Variants in PTPRF observed in about 807,000 individuals in gnomAD.
The protein encoded by PTPRF is protein tyrosine phosphatase receptor type F, also known as receptor-type tyrosine-protein phosphatase F.
In PTPRF, 59 loss-of-function variants were observed where a neutral mutation model predicts 201.8. The observed-to-expected ratio is 0.29, with a 90% CI of 0.24 to 0.36. The LOEUF (loss-of-function observed/expected upper bound fraction) is 0.36, where lower values mean the gene tolerates loss of function less well. Ranked by LOEUF, PTPRF falls within the 10% of genes least tolerant of loss-of-function variation. The pLI is 1.00. For missense variants in PTPRF, 2,132 were observed against 2,690.5 expected, an observed-to-expected ratio of 0.79 and a Z score of 4.59; for synonymous variants, 1,088 against 1,089.7, an observed-to-expected ratio of 1.00 and a Z score of 0.03.
intron 5 of PTPRF, among the ~76,000 whole-genome samples, chr1:43,565,064 A>G (rs1646065370): frequency 6.6e-6 from 1 of 151,332 alleles, no homozygotes; most frequent in Non-Finnish European, 1.5e-5. Flanking sequence ...ACCTTCCCCC[A>G]CAACAGCCTT....
At chr1:43,619,595 T>G (rs755700742) in intron 28 of PTPRF, 22 bp downstream of exon 28, 5 of 1,610,768 alleles carry the variant, frequency 3.1e-6, no homozygotes, top group Non-Finnish European at 4.2e-6. Context: ...GTGGGCCTGC[T>G]TGGCTCCAGG....
chr1:43,570,829 G>T (rs1003590102), intron 6 of PTPRF, among the ~76,000 whole-genome samples: 1 of 152,246 alleles, frequency 6.6e-6, no homozygotes, highest in African/African-American at 2.4e-5. Context: ...CAACAAGATG[G>T]AGGCAGCTGT....
intron 5 of PTPRF, among the ~76,000 whole-genome samples, chr1:43,558,441 G>C (rs984753637): frequency 8.5e-5 from 13 of 152,230 alleles, no homozygotes; most frequent in African/African-American, 3.1e-4. Context: ...CATCTGAGCA[G>C]GATTGTTATT....
intron 23 of PTPRF, among the ~76,000 whole-genome samples, chr1:43,614,793 G>A (rs1190015775): frequency 2.6e-5 from 4 of 152,204 alleles, no homozygotes; most frequent in Non-Finnish European, 4.4e-5. Flanking sequence ...CGGAGGTTGC[G>A]TTGAGCCAAG....
intron 22 of PTPRF, among the ~76,000 whole-genome samples, chr1:43,611,931 A>G (rs994103306): frequency 6.6e-6 from 1 of 152,100 alleles, no homozygotes; most frequent in Non-Finnish European, 1.5e-5. Context: ...GGGGCCAAGG[A>G]GCATGTGGTA....
At chr1:43,611,290 G>A (rs892559128) in intron 22 of PTPRF, among the ~76,000 whole-genome samples, 2 of 152,244 alleles carry the variant, frequency 1.3e-5, no homozygotes, top group Non-Finnish European at 2.9e-5. Context: ...GCTGGGACCT[G>A]GAGTGCAGAG....
rs2154013918 is a variant in PTPRF, at chr1:43,592,453, C to T, written c.1669-4C>T. 6.2e-7 allele frequency: 1 copy of T among 1,604,802 alleles called. No individual in the cohort carries two copies. Among genetic ancestry groups the T allele is most frequent in the Middle Eastern group, 1.7e-4 (1 of 6,018 alleles). On this transcript the variant is annotated splice_region_variant and splice_polypyrimidine_tract_variant and intron_variant, in intron 10 of 33. Coordinates refer to ENST00000359947, the MANE Select transcript of PTPRF (RefSeq NM_002840.5). The stretch of plus-strand genomic sequence containing the variant: ...TGTCAGTGAGTGCTCCCTGCTCTTC[C>T]CAGCACAAGGTGACCTTCGACCCAA...
At chr1:43,551,173 G>C (rs1302935567) in intron 3 of PTPRF, among the ~76,000 whole-genome samples, 1 of 152,294 alleles carries the variant, frequency 6.6e-6, no homozygotes, top group East Asian at 1.9e-4. Context: ...TGTTAGGCCA[G>C]TGGAGTGCCA....
chr1:43,538,188 TTCTG>T lies in PTPRF; in HGVS notation c.-125-7_-125-4del. ...TCTTGATGTTTTCTCATGCTTTCCT[TTCTG>T]TCCAGGAAGGAGTGGAGGCCCTGGT... On this transcript the variant is annotated splice_polypyrimidine_tract_variant and splice_region_variant and intron_variant, in intron 1 of 33. Coordinates refer to ENST00000359947, the MANE Select transcript of PTPRF (RefSeq NM_002840.5). The T allele has an allele frequency of 2.5e-6, 1 of 398,652 alleles. No individual in the cohort carries two copies. The highest frequency in any genetic ancestry group is 3.6e-5 in the East Asian group (1 of 28,080). 24.7% of individuals were successfully genotyped at this position (398,652 alleles called of 1,614,324 possible). A position where few individuals can be genotyped will look rare whatever the true frequency, so the allele number is the denominator to read the frequency against.
Position 43,591,171 on chromosome 1 carries a change from G to A in PTPRF, c.1149G>A (p.Ser383=), listed in dbSNP as rs778225104. Residue 383 remains serine, a synonymous_variant, in exon 9 of 34, where the codon TCG becomes TCA. Coordinates refer to ENST00000359947, the MANE Select transcript of PTPRF (RefSeq NM_002840.5). ...RYSIGGLSPF[S]EYAFRVLAVN... ...GCATTGGCGGCCTCAGCCCTTTCTC[G>A]GAATATGCCTTCCGCGTGCTGGCGG... 7.4e-6 allele frequency: 12 copies of A among 1,612,506 alleles called. No homozygotes were observed. The highest frequency in any genetic ancestry group is 1.3e-5 in the African/African-American group (1 of 74,948).
Position 43,606,963 on chromosome 1 carries a change from C to A in PTPRF, c.3852C>A (p.Phe1284Leu). 3.1e-6 allele frequency: 5 copies of A among 1,613,958 alleles called. No homozygotes were observed. The highest frequency in any genetic ancestry group is 4.2e-6 in the Non-Finnish European group (5 of 1,179,996). The part of the protein sequence containing the change: ...IILIVIAILL[F>L]KRKRTHSPSS... ...TCATTGTCATCGCCATCCTCTTGTTCAAAAGGTGAGCACTGCCCTCAGAGC... is the reference window on the plus strand; with the variant it reads ...TCATTGTCATCGCCATCCTCTTGTTAAAAAGGTGAGCACTGCCCTCAGAGC... The change falls in exon 21 of 34, where the codon TTC (phenylalanine) becomes TTA (leucine). Residue 1284 changes from phenylalanine (F) to leucine (L), a missense_variant. By Grantham distance (22) the Phe-to-Leu change is conservative. Transcript: ENST00000359947.
At chr1:43,571,394 C>T (rs1479919321) in intron 6 of PTPRF, among the ~76,000 whole-genome samples, 2 of 152,208 alleles carry the variant, frequency 1.3e-5, no homozygotes, top group African/African-American at 4.8e-5. Flanking sequence ...TCCTCACCTG[C>T]AACTCTAGCT....
intron 7 of PTPRF, among the ~76,000 whole-genome samples, chr1:43,581,179 A>T (rs1647513217): frequency 6.6e-6 from 1 of 152,248 alleles, no homozygotes; most frequent in Non-Finnish European, 1.5e-5. Flanking sequence ...AGACTCAGGC[A>T]GGGCCCTGAC....
In PTPRF at chr1:43,537,613, T is replaced by C. The variant is rs912895881; in HGVS notation, c.-125-585T>C. Among the ~76,000 whole-genome samples the C allele has an allele frequency of 6.6e-6, 1 of 152,210 alleles. No individual in the cohort carries two copies. The highest frequency in any genetic ancestry group is 2.4e-5 in the African/African-American group (1 of 41,448). On this transcript the variant is annotated intron_variant, in intron 1 of 33. Coordinates refer to ENST00000359947, the MANE Select transcript of PTPRF (RefSeq NM_002840.5). The surrounding 1 kb of genome is among the most constrained non-coding windows in gnomAD (Gnocchi z 4.8). ...AAATAGTCATGTTTGTGGTCACGGC[T>C]CCAAGCCAAGGTCCAGGCAGGTAGT... is the stretch of plus-strand genomic sequence containing the variant.
At chr1:43,557,470 C>T (rs1407178580) in intron 5 of PTPRF, among the ~76,000 whole-genome samples, 2 of 152,010 alleles carry the variant, frequency 1.3e-5, no homozygotes, top group Admixed American at 6.5e-5. Context: ...CCCATCTCTA[C>T]CAAAAAATAC....
At chr1:43,580,400 G>A (rs1402408762) in intron 7 of PTPRF, among the ~76,000 whole-genome samples, 1 of 152,230 alleles carries the variant, frequency 6.6e-6, no homozygotes, top group East Asian at 1.9e-4. Flanking sequence ...CAGTTGAGCT[G>A]CAGAGGAACT....
intron 5 of PTPRF, among the ~76,000 whole-genome samples, chr1:43,567,299 G>C (rs1163972076): frequency 6.6e-6 from 1 of 152,182 alleles, no homozygotes; most frequent in Non-Finnish European, 1.5e-5. Context: ...AAAGGAGGCT[G>C]ATCCCCTGCC....
intron 3 of PTPRF, among the ~76,000 whole-genome samples, chr1:43,551,566 C>T (rs1019097278): frequency 1.3e-5 from 2 of 152,154 alleles, no homozygotes; most frequent in Non-Finnish European, 2.9e-5. Context: ...CCCAAGGTCT[C>T]CCTCCAGGGA....
At chr1:43,610,622 G>A (rs559460052) in intron 22 of PTPRF, among the ~76,000 whole-genome samples, 4 of 152,376 alleles carry the variant, frequency 2.6e-5, no homozygotes, top group South Asian at 4.1e-4. Flanking sequence ...GCTCATGCCT[G>A]TGATCCCAGC....
Sources: allele counts gnomAD v4.1 joint callset (sites outside exome capture counted in the v4.1 genomes callset), GRCh38; gene constraint gnomAD v4.1.1; non-coding constraint Gnocchi (gnomAD v3.1); transcripts MANE v1.5; gene names NCBI Gene and HGNC (gene_info 2026-07-23, HGNC 2026-07-21).